Variants in DPYSL3 observed in about 807,000 individuals in gnomAD.
DPYSL3 encodes dihydropyrimidinase like 3.
Under a neutral mutation model 66.1 loss-of-function variants are expected in DPYSL3, and 16 were observed. The ratio of observed to expected loss-of-function variants is 0.24; its 90% confidence interval spans 0.16 to 0.37. The LOEUF is 0.37. Ranked by LOEUF, DPYSL3 falls within the 10% of genes least tolerant of loss-of-function variation. DPYSL3 has a pLI of 1.00. For synonymous variants in DPYSL3, 338 were observed against 345.1 expected, an observed-to-expected ratio of 0.98 and a Z score of 0.23; for missense variants, 738 against 916.2, an observed-to-expected ratio of 0.81 and a Z score of 2.51.
intron 10 of DPYSL3, 36 bp downstream of exon 10, chr5:147,400,656 G>A (rs1377118554): frequency 6.2e-7 from 1 of 1,605,774 alleles, no homozygotes; most frequent in Non-Finnish European, 8.5e-7. Context: ...TGGATGTTTT[G>A]GCTCTGGCCA....
At chr5:147,396,179 C>T (rs947119090) in intron 12 of DPYSL3, among the ~76,000 whole-genome samples, 10 of 152,114 alleles carry the variant, frequency 6.6e-5, no homozygotes, top group African/African-American at 2.2e-4. Context: ...AGGATGGGAT[C>T]ACATGGGAGC....
At chr5:147,412,830 G>A (rs1010723357) in intron 5 of DPYSL3, 142 bp from the exon 6 acceptor site, 42 of 716,436 alleles carry the variant, frequency 5.9e-5, no homozygotes, top group African/African-American at 4.9e-4. Flanking sequence ...TATTACATAG[G>A]CATGACCAAA....
chr5:147,487,261 C>A (rs1371914572), intron 1 of DPYSL3, among the ~76,000 whole-genome samples: 2 of 152,162 alleles, frequency 1.3e-5, no homozygotes, highest in Admixed American at 1.3e-4. Flanking sequence ...CAAGCCTTGC[C>A]TCCATTTCAT....
rs757451429 is a variant in DPYSL3 at position 147,503,514 on chromosome 5, A to G, written c.381+5964T>C. Among the ~76,000 whole-genome samples, 40 of 152,224 alleles carry G rather than the reference A, an allele frequency of 2.6e-4. No homozygotes were observed. In the Middle Eastern group the frequency reaches 0.01, roughly 39 times the overall value. ...TTCTACGTTGCCCAGTCTGGTCTCA[A>G]ACTCCTGGGCTCAAGCAATCCTTCT... On this transcript the variant is annotated intron_variant, in intron 1 of 13. Coordinates refer to ENST00000343218, the MANE Select transcript of DPYSL3 (RefSeq NM_001197294.2).
intron 1 of DPYSL3, among the ~76,000 whole-genome samples, chr5:147,464,895 G>C (rs145660027): frequency 1.3e-4 from 20 of 152,260 alleles, no homozygotes; most frequent in Admixed American, 6.5e-4. Context: ...CTCCCTGAAC[G>C]TACACAGAGA....
At chr5:147,432,433 A>T (rs994735007) in intron 1 of DPYSL3, among the ~76,000 whole-genome samples, 1 of 152,194 alleles carries the variant, frequency 6.6e-6, no homozygotes, top group African/African-American at 2.4e-5. Context: ...CATTTTAAAG[A>T]TGTCATTATC....
At chr5:147,414,080 A>T (rs1487585863) in intron 4 of DPYSL3, among the ~76,000 whole-genome samples, 1 of 152,116 alleles carries the variant, frequency 6.6e-6, no homozygotes, top group Non-Finnish European at 1.5e-5. Flanking sequence ...ACCTCTCCAG[A>T]CCTCGGTTTC....
intron 3 of DPYSL3, among the ~76,000 whole-genome samples, chr5:147,418,234 G>GCCATGA (rs1752010525): frequency 6.6e-6 from 1 of 152,224 alleles, no homozygotes; most frequent in African/African-American, 2.4e-5. Context: ...GGCAGGTGCT[G>GCCATGA]CCATGACCAA....
chr5:147,477,743 C>T lies in DPYSL3; in HGVS notation c.381+31735G>A, dbSNP rs374659939. 1.4e-4 allele frequency among the ~76,000 whole-genome samples: 21 copies of T among 150,510 alleles called. No individual in the cohort carries two copies. The East Asian group carries it at 2.7e-3, about 20-fold the overall frequency. ...GACTACAGGCGCCCGCCACCGCGCC[C>T]GGCTAATTTTTTGTATTTTTAGTAG... is the stretch of plus-strand genomic sequence containing the variant. On this transcript the variant is annotated intron_variant, in intron 1 of 13. Coordinates refer to ENST00000343218, the MANE Select transcript of DPYSL3 (RefSeq NM_001197294.2).
intron 1 of DPYSL3, among the ~76,000 whole-genome samples, chr5:147,480,825 C>A (rs1041410547): frequency 6.6e-6 from 1 of 151,498 alleles, no homozygotes; most frequent in African/African-American, 2.4e-5. Context: ...CGGGTTTAAG[C>A]GATTCTTCTG....
At chr5:147,402,529 A>G (rs1286607877) in intron 8 of DPYSL3, among the ~76,000 whole-genome samples, 66 of 142,062 alleles carry the variant, frequency 4.6e-4, no homozygotes, top group African/African-American at 1.3e-3. Context: ...TTGTATTTTT[A>G]GTAGAGACGG....
intron 1 of DPYSL3, among the ~76,000 whole-genome samples, chr5:147,425,797 AATCAGTGTCAACCTGACAG>A (rs1581187559): frequency 6.6e-6 from 1 of 152,252 alleles, no homozygotes; most frequent in Non-Finnish European, 1.5e-5. Context: ...GAGAGGGACA[AATCAGTGTCAACCTGACAG>A]ATCACAAGTT....
chr5:147,396,413 T>C (rs561314361), intron 12 of DPYSL3, among the ~76,000 whole-genome samples: 1 of 152,302 alleles, frequency 6.6e-6, no homozygotes, highest in South Asian at 2.1e-4. Flanking sequence ...TACAGTCAAC[T>C]GGACAAACAC....
At chr5:147,457,118 G>A (rs773309090) in intron 1 of DPYSL3, among the ~76,000 whole-genome samples, 34 of 151,992 alleles carry the variant, frequency 2.2e-4, no homozygotes, top group Non-Finnish European at 3.4e-4. Context: ...ATCAGTGTTA[G>A]TGCAATGGAG....
chr5:147,461,273 T>A (rs1465512905), intron 1 of DPYSL3, among the ~76,000 whole-genome samples: 1 of 152,186 alleles, frequency 6.6e-6, no homozygotes, highest in African/African-American at 2.4e-5. Flanking sequence ...GAGGCCAGTT[T>A]CTCATGCCTT....
Position 147,395,719 on chromosome 5 carries a change from C to T in DPYSL3, c.1806G>A (p.Met602Ile). Residue 602 changes from methionine (M) to isoleucine (I), a missense_variant and splice_region_variant, in exon 13 of 14, where the codon ATG becomes ATA. Coordinates refer to ENST00000343218, the MANE Select transcript of DPYSL3 (RefSeq NM_001197294.2). ...CCCTTGGGACGGCATGCAGGTCTGC[C>T]ATCTGCAGCCAGAGAAGAGCATGTC... ...VYKRIKARRK[M>I]ADLHAVPRGM... is the part of the protein sequence containing the mutation. The T allele has an allele frequency of 6.2e-7, 1 of 1,613,724 alleles. No individual in the cohort carries two copies. The highest frequency in any genetic ancestry group is 8.5e-7 in the Non-Finnish European group (1 of 1,180,000).
Position 147,436,657 on chromosome 5 carries a change from T to C in DPYSL3, c.382-11694A>G, listed in dbSNP as rs1444117166. Among the ~76,000 whole-genome samples the C allele has an allele frequency of 2.0e-5, 3 of 152,146 alleles. No individual in the cohort carries two copies. The East Asian group carries it at 5.8e-4, about 29-fold the overall frequency. On this transcript the variant is annotated intron_variant, in intron 1 of 13. Transcript: ENST00000343218. ...AAAAGGAACTTAATAAAGAAAATTATAAAAAAGTAAAAGAATGTGGTAATT... is the reference window on the plus strand; with the variant it reads ...AAAAGGAACTTAATAAAGAAAATTACAAAAAAGTAAAAGAATGTGGTAATT...
intron 2 of DPYSL3, among the ~76,000 whole-genome samples, chr5:147,421,824 T>C (rs1752085368): frequency 6.6e-6 from 1 of 152,214 alleles, no homozygotes; most frequent in Non-Finnish European, 1.5e-5. Flanking sequence ...AAACAGGAAC[T>C]GGACCCCTTC....
chr5:147,477,233 A>G (rs543736322), intron 1 of DPYSL3, among the ~76,000 whole-genome samples: 3 of 152,314 alleles, frequency 2.0e-5, no homozygotes, highest in South Asian at 2.1e-4. Context: ...AAAATAGCCA[A>G]TGAAATGAAA....
Sources: allele counts gnomAD v4.1 joint callset (sites outside exome capture counted in the v4.1 genomes callset), GRCh38; gene constraint gnomAD v4.1.1; transcripts MANE v1.5; gene names NCBI Gene and HGNC (gene_info 2026-07-23, HGNC 2026-07-21).